GGT5: variants seen among roughly 807,000 people sequenced by gnomAD.
GGT5 encodes the protein glutathione hydrolase 5 proenzyme.
GGT5 carries 50 observed loss-of-function variants against 58.1 expected under a neutral mutation model. That is an observed-to-expected ratio of 0.86 (90% CI 0.69 to 1.09). GGT5 has a LOEUF of 1.09. Ranked by LOEUF, GGT5 falls within the 50% of genes least tolerant of loss-of-function variation. The probability of loss-of-function intolerance (pLI) is 0.00; values close to 1 mark genes in which losing one functional copy is unlikely to be tolerated. For synonymous variants in GGT5, 370 were observed against 346.1 expected (o/e 1.07, Z -0.77); for missense variants, 800 against 789.4 (o/e 1.01, Z -0.16).
chr22:24,227,313 C>A (rs1379228482), intron 6 of GGT5, among the ~76,000 whole-genome samples: 1 of 149,398 alleles, frequency 6.7e-6, no homozygotes, highest in Non-Finnish European at 1.5e-5. Flanking sequence ...GTGGCACGAT[C>A]TCAGCTTACT....
chr22:24,227,258 G>GT (rs971750081), intron 6 of GGT5, among the ~76,000 whole-genome samples: 1 of 149,656 alleles, frequency 6.7e-6, no homozygotes, highest in Non-Finnish European at 1.5e-5. Flanking sequence ...CCTTTTTTGT[G>GT]TTTTTTGGAG....
chr22:24,244,992 G>A lies in GGT5; in HGVS notation c.-267C>T, dbSNP rs911734532. 2.9e-5 allele frequency: 15 copies of A among 508,864 alleles called. No individual in the cohort carries two copies. Among genetic ancestry groups the A allele is most frequent in the African/African-American group, 7.6e-5 (4 of 52,332 alleles). 31.5% of individuals were successfully genotyped at this position (508,864 alleles called of 1,614,324 possible). A position where few individuals can be genotyped will look rare whatever the true frequency, so the allele number is the denominator to read the frequency against. On this transcript the variant is annotated 5_prime_UTR_variant, in exon 1 of 12. Coordinates refer to ENST00000327365, the MANE Select transcript of GGT5 (RefSeq NM_004121.5). ...GGACAGACAGACAGGTCTGAACAGCGGGCTGCCAGATGGACAGATGGGTGA... is the reference window on the plus strand; with the variant it reads ...GGACAGACAGACAGGTCTGAACAGCAGGCTGCCAGATGGACAGATGGGTGA...
chr22:24,232,271 G>C, intron 4 of GGT5, 63 bp from the exon 5 acceptor site: 4 of 996,218 alleles, frequency 4.0e-6, no homozygotes, highest in Non-Finnish European at 5.8e-6. Flanking sequence ...CTCTTCCGGG[G>C]CTCTCATGGG....
intron 6 of GGT5, among the ~76,000 whole-genome samples, chr22:24,230,155 A>T (rs1344440004): frequency 6.6e-6 from 1 of 151,828 alleles, no homozygotes; most frequent in Non-Finnish European, 1.5e-5. Context: ...ATCACCTGAC[A>T]TCAGAAGTTC....
At chr22:24,224,674 G>T (rs1230523138) in intron 11 of GGT5, among the ~76,000 whole-genome samples, 1 of 152,212 alleles carries the variant, frequency 6.6e-6, no homozygotes, top group African/African-American at 2.4e-5. Flanking sequence ...AAGTCACCAT[G>T]AGGGAGAGTC....
intron 6 of GGT5, 65 bp downstream of exon 6, chr22:24,231,319 G>A: frequency 8.2e-7 from 1 of 1,216,322 alleles, no homozygotes; most frequent in South Asian, 1.4e-5. Context: ...CTTGGAGTCT[G>A]AGTTCCCGGG....
chr22:24,221,538 A>G (rs904422006), intron 11 of GGT5, among the ~76,000 whole-genome samples: 1 of 152,288 alleles, frequency 6.6e-6, no homozygotes, highest in East Asian at 1.9e-4. Context: ...TCTGAGATGG[A>G]GTCCCGCTCT....
At chr22:24,238,806 T>A (rs1267867273) in intron 1 of GGT5, among the ~76,000 whole-genome samples, 2 of 2,644 alleles carry the variant, frequency 7.6e-4, no homozygotes, top group Admixed American at 8.5e-3. Flanking sequence ...TATATATATA[T>A]AATATATTAT....
Position 24,233,017 on chromosome 22 carries a change from C to T in GGT5, c.402G>A (p.Gly134=). 6.6e-7 allele frequency: 1 copy of T among 1,522,486 alleles called. No homozygotes were observed. The highest frequency in any genetic ancestry group is 8.8e-7 in the Non-Finnish European group (1 of 1,131,632). 94.3% of individuals were successfully genotyped at this position (1,522,486 alleles called of 1,614,324 possible). ...QCAQALPLGT[G]AQWIGVPGEL... ...CCCCGGGCACCCCGATCCACTGGGC[C>T]CCTGCATGGCACATCCCAGCTCTCA... is the stretch of plus-strand genomic sequence containing the variant. Residue 134 remains glycine (G), a splice_region_variant and synonymous_variant, in exon 4 of 12, where the codon GGG becomes GGA. Coordinates refer to ENST00000327365, the MANE Select transcript of GGT5 (RefSeq NM_004121.5).
chr22:24,222,140 C>T (rs527943000), intron 11 of GGT5, among the ~76,000 whole-genome samples: 19 of 152,094 alleles, frequency 1.2e-4, no homozygotes, highest in Non-Finnish European at 2.5e-4. Flanking sequence ...GATCGCGCCA[C>T]TGCACTCCAG....
At chr22:24,226,849 A>C (rs2047783566) in intron 6 of GGT5, 82 bp from the exon 7 acceptor site, 1 of 1,180,618 alleles carries the variant, frequency 8.5e-7, no homozygotes, top group African/African-American at 1.5e-5. Context: ...CACCACAGAA[A>C]GATCCACCCA....
At chr22:24,232,243 G>A in intron 4 of GGT5, 35 bp from the exon 5 acceptor site, 2 of 1,304,500 alleles carry the variant, frequency 1.5e-6, no homozygotes, top group Non-Finnish European at 2.1e-6. Flanking sequence ...GTGGGGCCAG[G>A]TCCCAGAGGC....
Position 24,232,209 on chromosome 22 carries a change from C to T in GGT5, c.597-1G>A. Reference sequence around the variant, plus strand: ...TTCTGTCCCGTTGAAGAAGAGCTGGCTGGGGGGTGGGGGGAGCCTCAGGGT... The same window carrying T: ...TTCTGTCCCGTTGAAGAAGAGCTGGTTGGGGGGTGGGGGGAGCCTCAGGGT... On this transcript the variant is annotated splice_acceptor_variant, in intron 4 of 11. Coordinates refer to ENST00000327365, the MANE Select transcript of GGT5 (RefSeq NM_004121.5). LOFTEE classifies it high-confidence loss of function. The T allele has an allele frequency of 6.9e-6, 7 of 1,018,766 alleles. No homozygotes were observed. The highest frequency in any genetic ancestry group is 3.5e-5 in the East Asian group (1 of 28,738). 63.1% of individuals were successfully genotyped at this position (1,018,766 alleles called of 1,614,324 possible).
rs773778824 is a variant in GGT5 at position 24,231,476 on chromosome 22, G to A, written c.809C>T (p.Ala270Val). Residue 270 changes from alanine to valine, a missense_variant, in exon 6 of 12, where the codon GCC (alanine) becomes GTC (valine). Physicochemically the swap from Ala to Val is moderately conservative, Grantham distance 64 (BLOSUM62 0). Coordinates refer to ENST00000327365, the MANE Select transcript of GGT5 (RefSeq NM_004121.5). ...ATAGTCCCCCAGGGGCACCTCCAGG[G>A]CATCCACCACCTCGGGCTGGAACTT... ...LAKFQPEVVDALEVPLGDYTL... is the reference protein window; with the variant it reads ...LAKFQPEVVDVLEVPLGDYTL... The A allele has an allele frequency of 1.3e-6, 2 of 1,579,586 alleles. No homozygotes were observed. The highest frequency in any genetic ancestry group is 1.2e-5 in the South Asian group (1 of 86,228).
In GGT5 at chr22:24,231,490, G is replaced by A. The variant is rs144201854; in HGVS notation, c.795C>T (p.Pro265=). The change falls in exon 6 of 12, where the codon CCC becomes CCT. Residue 265 remains proline, a synonymous_variant. Coordinates refer to ENST00000327365, the MANE Select transcript of GGT5 (RefSeq NM_004121.5). ...LTLQDLAKFQ[P]EVVDALEVPL... ...GCACCTCCAGGGCATCCACCACCTC[G>A]GGCTGGAACTTGGCCAGGTCCTGCA... The A allele has an allele frequency of 1.2e-3, 1,921 of 1,585,212 alleles. 9 individuals carry two copies. In the Middle Eastern group the frequency reaches 0.021, roughly 18 times the overall value.
Position 24,224,867 on chromosome 22 carries a change from T to C in GGT5, c.1614+129A>G, listed in dbSNP as rs2047701968. ...CACCCATCAAGGTCCCCAACTCCTA[T>C]GGCCCCCAAAGTTGAAGTGTACCTG... On this transcript the variant is annotated intron_variant, in intron 11 of 11. Coordinates refer to ENST00000327365, the MANE Select transcript of GGT5 (RefSeq NM_004121.5). The C allele has an allele frequency of 9.1e-6, 6 of 659,294 alleles. No homozygotes were observed. In the South Asian group the frequency reaches 1.1e-4, roughly 12 times the overall value. 40.8% of individuals were successfully genotyped at this position (659,294 alleles called of 1,614,324 possible). A position where few individuals can be genotyped will look rare whatever the true frequency, so the allele number is the denominator to read the frequency against.
intron 1 of GGT5, among the ~76,000 whole-genome samples, chr22:24,237,302 G>C (rs1476362147): frequency 1.3e-5 from 2 of 152,098 alleles, no homozygotes; most frequent in African/African-American, 2.4e-5. Context: ...ACTAGAAATA[G>C]AGCAGCCCTC....
At chr22:24,231,654 G>T (rs889052671) in intron 5 of GGT5, 124 bp from the exon 6 acceptor site, 12 of 1,015,256 alleles carry the variant, frequency 1.2e-5, no homozygotes, top group Non-Finnish European at 1.7e-5. Flanking sequence ...ACAGGATGAT[G>T]GTAGGTCTGT....
chr22:24,226,940 G>A (rs1287905091), intron 6 of GGT5, among the ~76,000 whole-genome samples, 173 bp from the exon 7 acceptor site: 2 of 143,512 alleles, frequency 1.4e-5, no homozygotes, highest in East Asian at 2.0e-4. Flanking sequence ...AGTAAGTTAA[G>A]GATTTTTTTT....
Sources: gnomAD v4.1 joint callset for allele counts (sites outside exome capture counted in the v4.1 genomes callset) on GRCh38, gnomAD v4.1.1 for gene constraint, MANE v1.5 for transcripts, NCBI Gene and HGNC (gene_info 2026-07-23, HGNC 2026-07-21) for gene names.